Variants in POGZ observed in about 807,000 individuals in gnomAD.
POGZ encodes the protein pogo transposable element derived with ZNF domain.
A neutral mutation model predicts 134.6 loss-of-function variants in POGZ; 17 were observed. That is an observed-to-expected ratio of 0.13 (90% confidence interval 0.09 to 0.19). POGZ has a LOEUF of 0.19. POGZ is among the 10% of genes least tolerant of loss of function. POGZ has a pLI of 1.00. For synonymous variants in POGZ, 693 were observed against 657.1 expected (o/e 1.05, Z -0.84); for missense variants, 1,306 against 1,769.7 (o/e 0.74, Z 4.70).
intron 2 of POGZ, 140 bp from the exon 3 acceptor site, chr1:151,441,226 T>C: frequency 1.7e-6 from 1 of 595,032 alleles, no homozygotes; most frequent in Non-Finnish European, 2.9e-6. Context: ...ACTGTTCATG[T>C]GATTTCTCCT....
Position 151,404,900 on chromosome 1 carries a change from T to C in POGZ, c.4135A>G (p.Ile1379Val), listed in dbSNP as rs141235383. The change falls in exon 19 of 19, where the codon ATT becomes GTT. Residue 1379 changes from isoleucine to valine, a missense_variant. By Grantham distance (29) the Ile-to-Val change is conservative. Transcript: ENST00000271715. ...AGCTGGTGAAGACTTTCAGGCTCAA[T>C]TGTCTCTTCAGGAGATGATCTGGGT... ...PRPRSSPEET[I>V]EPESLHQLFE... is the part of the protein sequence containing the mutation. 19 of 1,614,054 alleles carry C rather than the reference T, an allele frequency of 1.2e-5. No homozygotes were observed. In the African/African-American group the frequency reaches 1.5e-4, roughly 12 times the overall value.
chr1:151,433,646 T>C lies in POGZ; in HGVS notation c.284-2805A>G, dbSNP rs180988124. ...AAAAAAAAGAATTTTCCCAAAAATA[T>C]GGTACAATCAAAAAGTGGTTTTCTA... On this transcript the variant is annotated intron_variant, in intron 3 of 18. Coordinates refer to ENST00000271715, the MANE Select transcript of POGZ (RefSeq NM_015100.4). 3.9e-3 allele frequency among the ~76,000 whole-genome samples: 562 copies of C among 145,852 alleles called. 4 individuals carry two copies. The highest frequency in any genetic ancestry group is 0.011 in the Middle Eastern group (3 of 276).
chr1:151,458,590 C>G (rs1290799918), intron 1 of POGZ, among the ~76,000 whole-genome samples: 31 of 149,620 alleles, frequency 2.1e-4, no homozygotes, highest in Non-Finnish European at 2.5e-4. Context: ...ACCCCCACCC[C>G]CAGGGGCCGC....
At chr1:151,406,706 CAACT>C in intron 17 of POGZ, 75 bp from the exon 18 acceptor site, 1 of 1,244,160 alleles carries the variant, frequency 8.0e-7, no homozygotes, top group Non-Finnish European at 1.2e-6. Context: ...CCCTGGGATT[CAACT>C]TACTACATAC....
chr1:151,450,987 GT>G (rs1661983675), intron 1 of POGZ: 1 of 151,896 alleles, frequency 6.6e-6, no homozygotes, highest in Non-Finnish European at 1.5e-5. Context: ...ATCACTTGAG[GT>G]CAGGAGTTCA....
At chr1:151,429,510 A>G in intron 5 of POGZ, 93 bp downstream of exon 5, 1 of 573,640 alleles carries the variant, frequency 1.7e-6, no homozygotes, top group East Asian at 3.0e-5. Context: ...TTTTCTTTAA[A>G]TGTACTTACT....
Position 151,405,579 on chromosome 1 carries a change from T to C in POGZ, c.3456A>G (p.Thr1152=). 1.2e-6 allele frequency: 2 copies of C among 1,614,188 alleles called. No individual in the cohort carries two copies. Among genetic ancestry groups the C allele is most frequent in the Non-Finnish European group, 1.7e-6 (2 of 1,180,014 alleles). ...RKENALQTVG[T]GEPWCDVVLA... is the part of the protein sequence containing the mutation. ...GGACTACATCACACCAAGGTTCCCC[T>C]GTGCCCACTGTCTGCAGGGCATTCT... The change falls in exon 19 of 19, where the codon ACA becomes ACG. Residue 1152 remains threonine, a synonymous_variant. Transcript: ENST00000271715. The surrounding 1 kb of genome is among the most constrained non-coding windows in gnomAD (Gnocchi z 4.9).
Position 151,403,493 on chromosome 1 carries a change from G to C in POGZ, c.*1309C>G, listed in dbSNP as rs1571313009. ...AAGCCTCAGGATAAACAGAAGACTT[G>C]GTTTTTTGCTCCTTTTCTCTGTACG... On this transcript the variant is annotated 3_prime_UTR_variant, in exon 19 of 19. Transcript: ENST00000271715. The C allele has an allele frequency of 1.0e-6, 1 of 985,676 alleles. No individual in the cohort carries two copies. The highest frequency in any genetic ancestry group is 1.7e-5 in the African/African-American group (1 of 57,310). The allele number at this position is 985,676 out of a possible 1,614,324, so 61.1% of individuals were successfully genotyped here.
At chr1:151,418,986 C>T (rs1656302127) in intron 10 of POGZ, among the ~76,000 whole-genome samples, 1 of 141,482 alleles carries the variant, frequency 7.1e-6, no homozygotes. Context: ...GATTGTGCCA[C>T]CGTACTCCAG....
Position 151,427,928 on chromosome 1 carries a change from T to G in POGZ, c.973A>C (p.Asn325His), listed in dbSNP as rs748782324. The change falls in exon 7 of 19, where the codon AAC becomes CAC. Residue 325 changes from asparagine (N) to histidine (H), a missense_variant. This residue lies in a region of POGZ where 541 missense variants were observed against 680.5 expected (regional missense o/e 0.80). Coordinates refer to ENST00000271715, the MANE Select transcript of POGZ (RefSeq NM_015100.4). ...NEVAKLVNTL[N>H]TIPSLGQSPG... ...CTCTGGCCCAGGGAAGGGATGGTGT[T>G]AAGGGTATTCACCAATTTGGCCACT... The G allele has an allele frequency of 6.2e-7, 1 of 1,614,026 alleles. No homozygotes were observed.
chr1:151,419,112 G>C (rs1656364764), intron 10 of POGZ, among the ~76,000 whole-genome samples: 1 of 151,358 alleles, frequency 6.6e-6, no homozygotes, highest in African/African-American at 2.4e-5. Flanking sequence ...CCAGCACTTT[G>C]GGAGGCCGAT....
At chr1:151,457,632 A>G (rs1443496195) in intron 1 of POGZ, among the ~76,000 whole-genome samples, 1 of 152,172 alleles carries the variant, frequency 6.6e-6, no homozygotes, top group Non-Finnish European at 1.5e-5. Context: ...AAATGCCTAC[A>G]GAAGTAAAAC....
In POGZ at chr1:151,459,396, G is replaced by T. The variant is rs1571622883; in HGVS notation, c.-246C>A. The T allele has an allele frequency of 6.7e-6, 1 of 150,140 alleles. No homozygotes were observed. Among genetic ancestry groups the T allele is most frequent in the Non-Finnish European group, 1.5e-5 (1 of 67,420 alleles). 9.3% of individuals were successfully genotyped at this position (150,140 alleles called of 1,614,324 possible). A position where few individuals can be genotyped will look rare whatever the true frequency, so the allele number is the denominator to read the frequency against. On this transcript the variant is annotated 5_prime_UTR_variant, in exon 1 of 19. Transcript: ENST00000271715. ...GGCGGGGGGGCCCCGAGGGAGGGGGGTGGGGGGGCCAAGGAATGCGGCTCC... is the reference window on the plus strand; with the variant it reads ...GGCGGGGGGGCCCCGAGGGAGGGGGTTGGGGGGGCCAAGGAATGCGGCTCC...
intron 3 of POGZ, among the ~76,000 whole-genome samples, chr1:151,438,156 G>A (rs2102348599): frequency 6.6e-6 from 1 of 151,460 alleles, no homozygotes; most frequent in East Asian, 2.0e-4. Context: ...GGTTGCAGTG[G>A]GCCAAGATCA....
chr1:151,423,121 A>T (rs528450326), intron 10 of POGZ, among the ~76,000 whole-genome samples: 1 of 152,362 alleles, frequency 6.6e-6, no homozygotes, highest in Admixed American at 6.5e-5. Context: ...CCTAAGAAAT[A>T]AATTAATTAC....
Position 151,405,779 on chromosome 1 carries a change from G to A in POGZ, c.3256C>T (p.Arg1086Trp), listed in dbSNP as rs145068768. The change falls in exon 19 of 19, where the codon CGG (arginine) becomes TGG (tryptophan). Residue 1086 changes from arginine to tryptophan, a missense_variant. Coordinates refer to ENST00000271715, the MANE Select transcript of POGZ (RefSeq NM_015100.4). This position sits in a 1 kb window ranked among gnomAD's most constrained non-coding sequence, Gnocchi z 4.9. ...MLRHHLTPHA[R>W]RAVAHTLPKD... Reference sequence around the variant, plus strand: ...GGTAGGGTGTGGGCCACAGCTCGCCGGGCATGGGGAGTCAGGTGGTGCCGC... The same window carrying A: ...GGTAGGGTGTGGGCCACAGCTCGCCAGGCATGGGGAGTCAGGTGGTGCCGC... 1.2e-6 allele frequency: 2 copies of A among 1,614,148 alleles called. No homozygotes were observed. The highest frequency in any genetic ancestry group is 1.7e-6 in the Non-Finnish European group (2 of 1,180,024).
At chr1:151,458,233 T>C (rs145710816) in intron 1 of POGZ, among the ~76,000 whole-genome samples, 7 of 152,004 alleles carry the variant, frequency 4.6e-5, no homozygotes, top group African/African-American at 1.4e-4. Context: ...GGAAAACAAA[T>C]AGATCAATGA....
At chr1:151,454,138 C>G (rs138690839) in intron 1 of POGZ, among the ~76,000 whole-genome samples, 405 of 152,280 alleles carry the variant, frequency 2.7e-3, no homozygotes, top group Middle Eastern at 6.8e-3. Flanking sequence ...ACGTTTTCAA[C>G]TTACTGCCAG....
At chr1:151,411,343 A>G (rs1654632561) in intron 12 of POGZ, among the ~76,000 whole-genome samples, 1 of 152,160 alleles carries the variant, frequency 6.6e-6, no homozygotes, top group South Asian at 2.1e-4. Flanking sequence ...TCTTTCTGGA[A>G]GCCTTACTAG....
Sources: allele counts gnomAD v4.1 joint callset (sites outside exome capture counted in the v4.1 genomes callset), GRCh38; gene constraint gnomAD v4.1.1; regional missense constraint gnomAD v4.1.1; non-coding constraint Gnocchi (gnomAD v3.1); transcripts MANE v1.5; gene names NCBI Gene and HGNC (gene_info 2026-07-23, HGNC 2026-07-21).